GRIP2: variants seen among roughly 807,000 people sequenced by gnomAD.
GRIP2 encodes the protein glutamate receptor interacting protein 2.
GRIP2 carries 58 observed loss-of-function variants against 108.3 expected under a neutral mutation model. That is an observed-to-expected ratio of 0.54 (90% CI 0.43 to 0.67). The LOEUF (loss-of-function observed/expected upper bound fraction) is 0.67. Ranked by LOEUF, GRIP2 falls within the 30% of genes least tolerant of loss-of-function variation. The pLI, the probability that GRIP2 is intolerant of heterozygous loss-of-function variation, is 0.00. For synonymous variants in GRIP2, 586 were observed against 598.2 expected (o/e 0.98, Z 0.30); for missense variants, 1,278 against 1,430.6 (o/e 0.89, Z 1.72).
intron 4 of GRIP2, 65 bp downstream of exon 4, chr3:14,524,328 G>T: frequency 6.5e-7 from 1 of 1,538,256 alleles, no homozygotes; most frequent in African/African-American, 1.4e-5. Context: ...GGCCCTGGTG[G>T]GGAGGTAGCC....
chr3:14,509,650 T>A (rs140260676), intron 17 of GRIP2, among the ~76,000 whole-genome samples, 170 bp downstream of exon 17: 1 of 152,330 alleles, frequency 6.6e-6, no homozygotes, highest in Non-Finnish European at 1.5e-5. Context: ...TGACACTCAT[T>A]TTACAAATGC....
the GRIP2 span, among the ~76,000 whole-genome samples, chr3:14,589,176 C>T: frequency 2.0e-4 from 31 of 151,640 alleles, no homozygotes; most frequent in South Asian, 1.7e-3. Flanking sequence ...AGCTAGAGAA[C>T]GGGTGCACTG....
In GRIP2 at chr3:14,511,553, G is replaced by T; in HGVS notation, c.1721-74C>A. On this transcript the variant is annotated intron_variant, in intron 14 of 23. Transcript: ENST00000621039. The surrounding 1 kb of genome is among the most constrained non-coding windows in gnomAD (Gnocchi z 4.1). Reference sequence around the variant, plus strand: ...GTGGGGTGGCGAAGCCCAGGGGTCTGAGTGTGGACTCGGAGCCACTGGTCC... The same window carrying T: ...GTGGGGTGGCGAAGCCCAGGGGTCTTAGTGTGGACTCGGAGCCACTGGTCC... 1 of 1,430,788 alleles carries T rather than the reference G, an allele frequency of 7.0e-7. No individual in the cohort carries two copies. The highest frequency in any genetic ancestry group is 1.8e-5 in the Admixed American group (1 of 56,318). 88.6% of individuals were successfully genotyped at this position (1,430,788 alleles called of 1,614,324 possible).
the GRIP2 span, among the ~76,000 whole-genome samples, chr3:14,568,283 C>T: frequency 6.6e-6 from 1 of 152,188 alleles, no homozygotes; most frequent in Non-Finnish European, 1.5e-5. Flanking sequence ...GAAGAGGCCA[C>T]TGCAACCATG....
At chr3:14,496,593 T>G (rs762977610) in intron 21 of GRIP2, 33 bp from the exon 22 acceptor site, 8 of 1,579,676 alleles carry the variant, frequency 5.1e-6, no homozygotes, top group Non-Finnish European at 2.6e-6. Context: ...TTCAGATGCT[T>G]GTTGGCTTGC....
In GRIP2 at chr3:14,517,233, G is replaced by A. The variant is rs746070733; in HGVS notation, c.1157-20C>T. 3 of 1,527,858 alleles carry A rather than the reference G, an allele frequency of 2.0e-6. No individual in the cohort carries two copies. Among genetic ancestry groups the A allele is most frequent in the Admixed American group, 2.0e-5 (1 of 49,098 alleles). 94.6% of individuals were successfully genotyped at this position (1,527,858 alleles called of 1,614,324 possible). ...ACAAGGCTGGGGAGATGAGAGCACA[G>A]CCCCGTGAACCCCAGCCGAGGCTCT... is the stretch of plus-strand genomic sequence containing the variant. On this transcript the variant is annotated intron_variant, in intron 10 of 23. Transcript: ENST00000621039.
chr3:14,542,929 A>C (rs1396547869), upstream of GRIP2, among the ~76,000 whole-genome samples: 1 of 152,214 alleles, frequency 6.6e-6, no homozygotes, highest in African/African-American at 2.4e-5. Context: ...CAGCACCGCT[A>C]TTCTTAATGG....
intron 21 of GRIP2, among the ~76,000 whole-genome samples, chr3:14,497,952 T>TG (rs1378657917): frequency 1.3e-5 from 2 of 151,774 alleles, no homozygotes; most frequent in African/African-American, 2.4e-5. Flanking sequence ...GAGATGGAGG[T>TG]GGGGGTGCTG....
intron 13 of GRIP2, 22 bp downstream of exon 13, chr3:14,513,643 G>A (rs1425984682): frequency 6.3e-6 from 10 of 1,590,442 alleles, no homozygotes; most frequent in Non-Finnish European, 8.6e-6. Flanking sequence ...ATATGAGGAG[G>A]AAGCTTGGGC....
In GRIP2 at chr3:14,496,414, TA is replaced by T; in HGVS notation, c.2823+2del. On this transcript the variant is annotated splice_donor_variant, in intron 22 of 23. Transcript: ENST00000621039. LOFTEE classifies it high-confidence loss of function. ...GTCTCCTGTGCTCACCCCCTGTGCCTACCTTGTGCATCTCCAAGGGTGTAGG... is the reference window on the plus strand; with the variant it reads ...GTCTCCTGTGCTCACCCCCTGTGCCTCCTTGTGCATCTCCAAGGGTGTAGG... The T allele has an allele frequency of 6.2e-7, 1 of 1,608,508 alleles. No homozygotes were observed. Among genetic ancestry groups the T allele is most frequent in the Non-Finnish European group, 8.5e-7 (1 of 1,176,772 alleles).
At chr3:14,504,105 G>A (rs991477714) in intron 20 of GRIP2, among the ~76,000 whole-genome samples, 1 of 152,180 alleles carries the variant, frequency 6.6e-6, no homozygotes, top group Non-Finnish European at 1.5e-5. Flanking sequence ...ACAGATGGAT[G>A]GAGAGGATGA....
At chr3:14,494,762 G>A (rs1693533661) in intron 23 of GRIP2, 81 bp downstream of exon 23, 2 of 1,478,984 alleles carry the variant, frequency 1.4e-6, no homozygotes, top group South Asian at 1.3e-5. Context: ...CTCTTCACAG[G>A]CGATAGATGC....
the GRIP2 span, among the ~76,000 whole-genome samples, chr3:14,570,943 T>C: frequency 6.6e-6 from 1 of 152,206 alleles, no homozygotes. Flanking sequence ...CAGGCAGTAT[T>C]GACATTTTGG....
At chr3:14,513,537 G>T in intron 13 of GRIP2, 128 bp downstream of exon 13, 1 of 1,257,088 alleles carries the variant, frequency 8.0e-7, no homozygotes, top group Non-Finnish European at 1.1e-6. Context: ...AAGCTGCAAA[G>T]CCCCTGGGAG....
chr3:14,579,390 G>T, the GRIP2 span, among the ~76,000 whole-genome samples: 1 of 152,172 alleles, frequency 6.6e-6, no homozygotes, highest in Non-Finnish European at 1.5e-5. Context: ...GTGTTTTACT[G>T]TATATACATT....
At chr3:14,494,139 GA>G (rs1244886735) in intron 23 of GRIP2, among the ~76,000 whole-genome samples, 1 of 152,234 alleles carries the variant, frequency 6.6e-6, no homozygotes, top group Non-Finnish European at 1.5e-5. Context: ...AGAACTGTGT[GA>G]TGTGACATTG....
the GRIP2 span, among the ~76,000 whole-genome samples, chr3:14,594,682 G>A: frequency 6.6e-6 from 1 of 152,328 alleles, no homozygotes; most frequent in African/African-American, 2.4e-5. Flanking sequence ...ACTTCCCAGT[G>A]GTTAAAAGCA....
At position 14,521,496 on chromosome 3, in the gene GRIP2, C is replaced by T; in HGVS notation, c.712+146G>A. The stretch of plus-strand genomic sequence containing the variant: ...CACATCAAACAATGCCTAGCACATA[C>T]TATTTACTGCCCAGAGAAGCTGTGA... On this transcript the variant is annotated intron_variant, in intron 7 of 23. Transcript: ENST00000621039. This position sits in a 1 kb window ranked among gnomAD's most constrained non-coding sequence, Gnocchi z 5.1. The T allele has an allele frequency of 1.2e-6, 1 of 830,024 alleles. No individual in the cohort carries two copies. The highest frequency in any genetic ancestry group is 3.1e-5 in the Admixed American group (1 of 32,070). 51.4% of individuals were successfully genotyped at this position (830,024 alleles called of 1,614,324 possible). A position where few individuals can be genotyped will look rare whatever the true frequency, so the allele number is the denominator to read the frequency against.
chr3:14,516,435 G>A (rs960091617), intron 11 of GRIP2, among the ~76,000 whole-genome samples: 12 of 152,168 alleles, frequency 7.9e-5, no homozygotes, highest in Non-Finnish European at 4.4e-5. Context: ...TTCCCAAGAA[G>A]GGTTTCAAAA....
Sources: allele counts gnomAD v4.1 joint callset (sites outside exome capture counted in the v4.1 genomes callset), GRCh38; gene constraint gnomAD v4.1.1; non-coding constraint Gnocchi (gnomAD v3.1); transcripts MANE v1.5; gene names NCBI Gene and HGNC (gene_info 2026-07-23, HGNC 2026-07-21).